The following MBD5 variants were observed in gnomAD, a reference collection of about 807,000 sequenced individuals.
MBD5 encodes the protein methyl-CpG-binding domain protein 5.
Under a neutral mutation model 117.3 loss-of-function variants are expected in MBD5, and 13 were observed. The ratio of observed to expected loss-of-function variants is 0.11; its 90% CI spans 0.07 to 0.18. MBD5 has a LOEUF of 0.18. Among genes scored for constraint, MBD5 ranks in the 10% least tolerant of loss-of-function variants. The pLI, the probability that MBD5 is intolerant of heterozygous loss-of-function variation, is 1.00. For missense variants in MBD5, 1,879 were observed against 2,093.8 expected, an observed-to-expected ratio of 0.90 and a Z score of 2.00; for synonymous variants, 727 against 766.4, an observed-to-expected ratio of 0.95 and a Z score of 0.85.
At chr2:148,330,052 AC>A (rs1482761131) in intron 3 of MBD5, among the ~76,000 whole-genome samples, 778 of 20,944 alleles carry the variant, frequency 0.037, 109 homozygotes, top group African/African-American at 0.073. Context: ...CGCCCCCCCC[AC>A]ACACACACAC....
At chr2:148,357,349 A>G (rs1703407759) in intron 4 of MBD5, among the ~76,000 whole-genome samples, 1 of 152,156 alleles carries the variant, frequency 6.6e-6, no homozygotes. Flanking sequence ...CTGGGACTCT[A>G]GATTACAAAT....
intron 3 of MBD5, among the ~76,000 whole-genome samples, chr2:148,336,269 A>G (rs2105096075): frequency 6.6e-6 from 1 of 152,306 alleles, no homozygotes; most frequent in East Asian, 1.9e-4. Flanking sequence ...TGGTACCCCC[A>G]CCAATAACAT....
intron 4 of MBD5, among the ~76,000 whole-genome samples, chr2:148,345,828 G>A (rs551178438): frequency 6.6e-6 from 1 of 151,768 alleles, no homozygotes; most frequent in East Asian, 1.9e-4. Flanking sequence ...GAAGAACTTG[G>A]AGTCCAATGT....
intron 4 of MBD5, among the ~76,000 whole-genome samples, chr2:148,352,039 T>G (rs1436186550): frequency 3.3e-5 from 5 of 152,084 alleles, no homozygotes; most frequent in African/African-American, 1.2e-4. Context: ...GGGTAACTTT[T>G]GGAGTCAAAC....
At chr2:148,244,301 G>A (rs980567108) in intron 3 of MBD5, 1 of 150,874 alleles carries the variant, frequency 6.6e-6, no homozygotes, top group Non-Finnish European at 1.5e-5. Context: ...GTGGCTATAA[G>A]AGTTTAGTTG....
intron 3 of MBD5, among the ~76,000 whole-genome samples, chr2:148,323,620 G>C (rs892212604): frequency 1.3e-5 from 2 of 151,296 alleles, no homozygotes; most frequent in African/African-American, 4.8e-5. Flanking sequence ...TTTTTCATGT[G>C]TTTTTTGGCT....
At chr2:148,324,384 G>C (rs1363293940) in intron 3 of MBD5, among the ~76,000 whole-genome samples, 1 of 152,146 alleles carries the variant, frequency 6.6e-6, no homozygotes, top group Non-Finnish European at 1.5e-5. Flanking sequence ...AAAGGCATTG[G>C]TAGCTTGATG....
intron 8 of MBD5, among the ~76,000 whole-genome samples, chr2:148,473,865 G>A (rs1489268900): frequency 2.0e-5 from 3 of 152,094 alleles, no homozygotes; most frequent in Non-Finnish European, 4.4e-5. Flanking sequence ...AAAATACTTT[G>A]CATTTTAAAG....
chr2:148,378,676 T>A lies in MBD5; in HGVS notation c.-557+36340T>A, dbSNP rs531312452. Among the ~76,000 whole-genome samples the A allele has an allele frequency of 5.9e-5, 9 of 152,250 alleles. No homozygotes were observed. In the East Asian group the frequency reaches 7.7e-4, roughly 13 times the overall value. ...CTTAAATCAATTGTAATCAATTTTTTAAAAATATTCATTTGGCTAGCTTTG... is the reference window on the plus strand; with the variant it reads ...CTTAAATCAATTGTAATCAATTTTTAAAAAATATTCATTTGGCTAGCTTTG... On this transcript the variant is annotated intron_variant, in intron 4 of 13. Transcript: ENST00000642680.
chr2:148,320,224 C>G (rs1702251683), intron 3 of MBD5, among the ~76,000 whole-genome samples: 1 of 152,098 alleles, frequency 6.6e-6, no homozygotes, highest in Non-Finnish European at 1.5e-5. Context: ...GTGTCCTTGT[C>G]TGGTTTCAGT....
chr2:148,116,036 G>GT (rs1287875501), intron 1 of MBD5, among the ~76,000 whole-genome samples: 2 of 152,010 alleles, frequency 1.3e-5, no homozygotes, highest in East Asian at 3.9e-4. Context: ...TAGAGGTGGG[G>GT]TTTTGCCATG....
chr2:148,449,251 A>G (rs1257342901), intron 4 of MBD5, among the ~76,000 whole-genome samples: 1 of 152,050 alleles, frequency 6.6e-6, no homozygotes, highest in African/African-American at 2.4e-5. Flanking sequence ...TATTTTCCAC[A>G]CATGCATATA....
intron 1 of MBD5, among the ~76,000 whole-genome samples, chr2:148,175,333 T>C (rs1235946179): frequency 6.6e-6 from 1 of 152,196 alleles, no homozygotes; most frequent in Non-Finnish European, 1.5e-5. Context: ...CACAAATTTA[T>C]ATCTCAGTAT....
Position 148,469,692 on chromosome 2 carries a change from A to G in MBD5, c.1749A>G (p.Ala583=). 1 of 1,613,964 alleles carries G rather than the reference A, an allele frequency of 6.2e-7. No homozygotes were observed. Among genetic ancestry groups the G allele is most frequent in the South Asian group, 1.1e-5 (1 of 91,074 alleles). Residue 583 remains alanine, a synonymous_variant, in exon 8 of 14, where the codon GCA becomes GCG. Transcript: ENST00000642680. ...SFPASSLLSA[A]AKAQLANQNK... is the part of the protein sequence containing the mutation. ...CAGCAAGTAGTTTACTCTCAGCAGCAGCCAAAGCACAGCTAGCAAATCAAA... is the reference window on the plus strand; with the variant it reads ...CAGCAAGTAGTTTACTCTCAGCAGCGGCCAAAGCACAGCTAGCAAATCAAA...
intron 1 of MBD5, among the ~76,000 whole-genome samples, chr2:148,057,026 CTTAT>C (rs1694885453): frequency 6.6e-6 from 1 of 151,638 alleles, no homozygotes; most frequent in African/African-American, 2.4e-5. Context: ...TTAATATTCT[CTTAT>C]TTGTTTAATG....
At position 148,182,227 on chromosome 2, in the gene MBD5, A is replaced by G. The variant is rs552962401; in HGVS notation, c.-831+3434A>G. On this transcript the variant is annotated intron_variant, in intron 2 of 13. Transcript: ENST00000642680. The stretch of plus-strand genomic sequence containing the variant: ...TTCTTCTATTTTTAGTTTGCTAAGC[A>G]GTCTTATAAATAGCTATTGAACCTT... Among the ~76,000 whole-genome samples the G allele has an allele frequency of 3.9e-5, 6 of 152,316 alleles. No homozygotes were observed. In the South Asian group the frequency reaches 1.0e-3, roughly 26 times the overall value.
At chr2:148,363,242 C>CT (rs1202201759) in intron 4 of MBD5, among the ~76,000 whole-genome samples, 3 of 151,726 alleles carry the variant, frequency 2.0e-5, no homozygotes, top group South Asian at 2.1e-4. Flanking sequence ...AGAACCTTTT[C>CT]TTTTTTTTGA....
At position 148,135,993 on chromosome 2, in the gene MBD5, A is replaced by G. The variant is rs552697824; in HGVS notation, c.-924-42707A>G. On this transcript the variant is annotated intron_variant, in intron 1 of 13. Coordinates refer to ENST00000642680, the MANE Select transcript of MBD5 (RefSeq NM_001378120.1). ...GCCCTAGCAGGGAACAAAACTGGTT[A>G]TCTGATGCTTCCTTCTGGAATTCTG... Among the ~76,000 whole-genome samples the G allele has an allele frequency of 2.7e-3, 406 of 152,310 alleles. 15 individuals are homozygous for G. In the South Asian group the frequency reaches 0.082, roughly 31 times the overall value.
At chr2:148,356,166 T>C (rs1245060042) in intron 4 of MBD5, among the ~76,000 whole-genome samples, 1 of 152,160 alleles carries the variant, frequency 6.6e-6, no homozygotes, top group African/African-American at 2.4e-5. Context: ...ATGTACATTA[T>C]TGTGTGAAAA....
Sources: allele counts gnomAD v4.1 joint callset (sites outside exome capture counted in the v4.1 genomes callset), GRCh38; gene constraint gnomAD v4.1.1; transcripts MANE v1.5; gene names NCBI Gene and HGNC (gene_info 2026-07-23, HGNC 2026-07-21).